Variants in RMDN1 observed in about 807,000 individuals in gnomAD.
RMDN1 encodes regulator of microtubule dynamics 1.
Under a neutral mutation model 48.9 loss-of-function variants are expected in RMDN1, and 48 were observed. The ratio of observed to expected loss-of-function variants is 0.98; its 90% confidence interval spans 0.78 to 1.25. The LOEUF (loss-of-function observed/expected upper bound fraction) is 1.25. RMDN1 is among the 50% of genes most tolerant of loss of function. The pLI is 0.00. For synonymous variants in RMDN1, 148 were observed against 132.6 expected (o/e 1.12, Z -0.80); for missense variants, 418 against 373.4 (o/e 1.12, Z -0.98).
At position 86,488,535 on chromosome 8, in the gene RMDN1, T is replaced by C. The variant is rs762808149; in HGVS notation, c.335+17A>G. The C allele has an allele frequency of 1.3e-6, 2 of 1,555,740 alleles. No individual in the cohort carries two copies. The highest frequency in any genetic ancestry group is 2.4e-5 in the South Asian group (2 of 85,106). On this transcript the variant is annotated intron_variant, in intron 3 of 9. Coordinates refer to ENST00000406452, the MANE Select transcript of RMDN1 (RefSeq NM_016033.3). ...TTTGAGGAAACCACAAGCCTAGGCC[T>C]ATCCTACATTGCTTACCTTTCCTTG...
chr8:86,470,043 G>T, downstream of RMDN1: 1 of 501,716 alleles, frequency 2.0e-6, no homozygotes, highest in Non-Finnish European at 2.6e-6. Flanking sequence ...AAACTCAGTT[G>T]AGATAACTTG....
intron 5 of RMDN1, among the ~76,000 whole-genome samples, chr8:86,484,043 T>C (rs1488508274): frequency 6.6e-6 from 1 of 152,224 alleles, no homozygotes; most frequent in Admixed American, 6.5e-5. Context: ...ACTGTTACAC[T>C]GGACCACGCT....
chr8:86,477,772 G>C (rs1813635899), intron 7 of RMDN1, among the ~76,000 whole-genome samples: 2 of 151,614 alleles, frequency 1.3e-5, no homozygotes, highest in Non-Finnish European at 2.9e-5. Context: ...AACTCTTTTT[G>C]TCCTACTTAA....
intron 2 of RMDN1, among the ~76,000 whole-genome samples, chr8:86,494,543 G>A (rs1436262561): frequency 1.3e-5 from 2 of 152,168 alleles, no homozygotes; most frequent in African/African-American, 2.4e-5. Context: ...GTGACAGAGC[G>A]AGACTCTGTC....
In RMDN1 at chr8:86,480,484, TTTGA is replaced by T. The variant is rs1169873209; in HGVS notation, c.586-156_586-153del. On this transcript the variant is annotated intron_variant, in intron 5 of 9. Transcript: ENST00000406452. Reference sequence around the variant, plus strand: ...ATATCAACTTTCTTCCTCCTGATTCTTTGATTAAATTCATTTCAAAACACTATTA... The same window carrying T: ...ATATCAACTTTCTTCCTCCTGATTCTTTAAATTCATTTCAAAACACTATTA... The T allele has an allele frequency of 2.4e-5, 12 of 495,900 alleles. No homozygotes were observed. The East Asian group carries it at 2.5e-4, about 10-fold the overall frequency. 30.7% of individuals were successfully genotyped at this position (495,900 alleles called of 1,614,324 possible). A position where few individuals can be genotyped will look rare whatever the true frequency, so the allele number is the denominator to read the frequency against.
chr8:86,474,693 T>C, intron 9 of RMDN1, 127 bp downstream of exon 9: 1 of 928,272 alleles, frequency 1.1e-6, no homozygotes, highest in Admixed American at 1.8e-5. Context: ...AATTTACACT[T>C]GAAATGAACA....
downstream of RMDN1, chr8:86,470,334 G>C: frequency 7.8e-7 from 1 of 1,289,250 alleles, no homozygotes; most frequent in African/African-American, 1.5e-5. Flanking sequence ...GGATTCCTGG[G>C]GTTTGTTCTC....
At chr8:86,508,431 A>AG (rs1253825912) in intron 1 of RMDN1, 61 bp downstream of exon 1, 3 of 1,494,372 alleles carry the variant, frequency 2.0e-6, no homozygotes, top group Non-Finnish European at 2.7e-6. Flanking sequence ...ACTTAAGTTA[A>AG]GGGGGAGCCG....
intron 2 of RMDN1, among the ~76,000 whole-genome samples, chr8:86,493,367 T>C (rs1242667599): frequency 1.3e-5 from 2 of 152,196 alleles, no homozygotes; most frequent in Non-Finnish European, 2.9e-5. Context: ...GAGATATTTG[T>C]ACTGCCACAT....
At chr8:86,508,352 T>A in intron 1 of RMDN1, 140 bp downstream of exon 1, 1 of 914,752 alleles carries the variant, frequency 1.1e-6, no homozygotes, top group Non-Finnish European at 1.6e-6. Flanking sequence ...GTCCGGGCGT[T>A]CCAGGCACAG....
intron 7 of RMDN1, chr8:86,477,947 C>T (rs777185147): frequency 4.6e-5 from 7 of 152,114 alleles, no homozygotes; most frequent in African/African-American, 7.2e-5. Context: ...AATGCTGTAG[C>T]GCAATCACTG....
chr8:86,514,267 TA>T, exon 1 of RMDN1: 4 of 985,344 alleles, frequency 4.1e-6, no homozygotes, highest in Non-Finnish European at 4.8e-6. Flanking sequence ...GCCTTTTCAG[TA>T]AGCGACTGGC....
intron 4 of RMDN1, 133 bp downstream of exon 4, chr8:86,486,351 A>C: frequency 2.0e-6 from 1 of 503,730 alleles, no homozygotes; most frequent in Non-Finnish European, 3.2e-6. Context: ...TATCCTTAAG[A>C]TATAAGATTG....
At chr8:86,500,127 G>C (rs1817974967) in intron 2 of RMDN1, among the ~76,000 whole-genome samples, 2 of 152,184 alleles carry the variant, frequency 1.3e-5, no homozygotes, top group South Asian at 4.1e-4. Flanking sequence ...CCCTGGCAAA[G>C]ATTTCATGGC....
At chr8:86,494,511 A>G (rs1407564982) in intron 2 of RMDN1, among the ~76,000 whole-genome samples, 1 of 152,016 alleles carries the variant, frequency 6.6e-6, no homozygotes, top group Non-Finnish European at 1.5e-5. Context: ...AGCTGTGATC[A>G]TGCCACTGCA....
intron 5 of RMDN1, chr8:86,483,025 A>C (rs13281414): frequency 0.29 from 162,351 of 566,962 alleles, 26,583 homozygotes; most frequent in East Asian, 0.54. Flanking sequence ...CGCCCAGGCC[A>C]GGGTTTAATT....
In RMDN1 at chr8:86,508,609, A is replaced by G. The variant is rs1405515953; in HGVS notation, c.12T>C (p.Ala4=). The G allele has an allele frequency of 1.2e-6, 2 of 1,603,132 alleles. No homozygotes were observed. The highest frequency in any genetic ancestry group is 1.3e-5 in the African/African-American group (1 of 74,822). The change falls in exon 1 of 10, where the codon GCT becomes GCC. Residue 4 remains alanine, a synonymous_variant. Transcript: ENST00000406452. MAL[A]ARLWRLLPFR... The stretch of plus-strand genomic sequence containing the variant: ...AAGGCAGAAGGCGCCACAGTCGAGC[A>G]GCCAGCGCCATGACCTGCAACTTGC...
chr8:86,478,901 T>C (rs1318089688), intron 7 of RMDN1, 22 bp downstream of exon 7: 1 of 1,583,570 alleles, frequency 6.3e-7, no homozygotes, highest in Non-Finnish European at 8.7e-7. Context: ...CCGTACTAAC[T>C]TAACAAAGGA....
intron 5 of RMDN1, chr8:86,481,795 C>T (rs1056572473): frequency 2.7e-6 from 3 of 1,099,482 alleles, no homozygotes; most frequent in African/African-American, 3.3e-5. Context: ...AAGCCATCTT[C>T]ATTTTTTTTG....
Sources: allele counts gnomAD v4.1 joint callset (sites outside exome capture counted in the v4.1 genomes callset), GRCh38; gene constraint gnomAD v4.1.1; transcripts MANE v1.5; gene names NCBI Gene and HGNC (gene_info 2026-07-23, HGNC 2026-07-21).